The following SPHKAP variants were observed in gnomAD, a reference collection of about 807,000 sequenced individuals.
SPHKAP encodes SPHK1 interactor, AKAP domain containing.
In SPHKAP, 67 loss-of-function variants were observed where a neutral mutation model predicts 137.5. The observed-to-expected ratio is 0.49, with a 90% CI of 0.40 to 0.60. The LOEUF is 0.60. Ranked by LOEUF, SPHKAP falls within the 20% of genes least tolerant of loss-of-function variation. SPHKAP has a pLI of 0.00. For synonymous variants in SPHKAP, 813 were observed against 785.3 expected (o/e 1.04, Z -0.59); for missense variants, 2,097 against 2,069.3 (o/e 1.01, Z -0.26).
At chr2:228,028,077 C>T in intron 3 of SPHKAP, 1 of 985,108 alleles carries the variant, frequency 1.0e-6, no homozygotes, top group East Asian at 1.1e-4. Flanking sequence ...TGCCCGCTTC[C>T]TTTCATGGCC....
chr2:228,167,239 C>T (rs1700447730), intron 1 of SPHKAP, among the ~76,000 whole-genome samples: 1 of 152,112 alleles, frequency 6.6e-6, no homozygotes, highest in African/African-American at 2.4e-5. Flanking sequence ...TTATAACGAT[C>T]CATGTGATGA....
At chr2:228,096,623 G>C (rs1166560019) in intron 3 of SPHKAP, among the ~76,000 whole-genome samples, 1 of 128,604 alleles carries the variant, frequency 7.8e-6, no homozygotes, top group Non-Finnish European at 1.6e-5. Flanking sequence ...TGTTGTTCAG[G>C]GGTCAACTGT....
Position 228,025,445 on chromosome 2 carries a change from G to A in SPHKAP, c.390C>T (p.Val130=), listed in dbSNP as rs113031300. The A allele has an allele frequency of 6.8e-6, 11 of 1,613,886 alleles. No homozygotes were observed. Among genetic ancestry groups the A allele is most frequent in the African/African-American group, 1.3e-5 (1 of 75,030 alleles). ...GATTTCCAGAGGCTAACCCACTTAGGACAACAATTTCATTTTCTTTTGGTT... is the reference window on the plus strand; with the variant it reads ...GATTTCCAGAGGCTAACCCACTTAGAACAACAATTTCATTTTCTTTTGGTT... ...VQQPKENEIV[V]LSGLASGNLQ... is the part of the protein sequence containing the mutation. Residue 130 remains valine, a synonymous_variant, in exon 5 of 12, where the codon GTC becomes GTT. Coordinates refer to ENST00000392056, the MANE Select transcript of SPHKAP (RefSeq NM_001142644.2).
intron 3 of SPHKAP, among the ~76,000 whole-genome samples, chr2:228,077,864 TG>T (rs1451033349): frequency 6.6e-6 from 1 of 152,154 alleles, no homozygotes; most frequent in African/African-American, 2.4e-5. Context: ...CATCTTGAAT[TG>T]TAACTCCTAC....
In SPHKAP at chr2:228,100,496, T is replaced by G. The variant is rs144481679; in HGVS notation, c.246+8336A>C. ...CTGTGGGTTTGTCAGAGATGGCTCTTATTATTTTGAGGTATGTTACTTTGA... is the reference window on the plus strand; with the variant it reads ...CTGTGGGTTTGTCAGAGATGGCTCTGATTATTTTGAGGTATGTTACTTTGA... On this transcript the variant is annotated intron_variant, in intron 3 of 11. Coordinates refer to ENST00000392056, the MANE Select transcript of SPHKAP (RefSeq NM_001142644.2). Among the ~76,000 whole-genome samples, 17 of 152,302 alleles carry G rather than the reference T, an allele frequency of 1.1e-4. No individual in the cohort carries two copies. The East Asian group carries it at 3.3e-3, about 30-fold the overall frequency.
At chr2:228,091,133 A>G (rs919650942) in intron 3 of SPHKAP, among the ~76,000 whole-genome samples, 1 of 152,220 alleles carries the variant, frequency 6.6e-6, no homozygotes, top group African/African-American at 2.4e-5. Context: ...TTTGAAGGAT[A>G]TAAATAGGTT....
chr2:228,028,163 T>A, intron 3 of SPHKAP: 1 of 578,518 alleles, frequency 1.7e-6, no homozygotes, highest in Non-Finnish European at 2.2e-6. Context: ...TATAAGGTGT[T>A]ATCAGATCTC....
chr2:228,058,844 AG>A (rs1375650249), intron 3 of SPHKAP, among the ~76,000 whole-genome samples: 1 of 152,318 alleles, frequency 6.6e-6, no homozygotes, highest in Non-Finnish European at 1.5e-5. Flanking sequence ...TTGGGCAAAC[AG>A]TTCTATGAGG....
At chr2:228,015,822 AAGGAGAGACTCTATGGAGAAG>A (rs1694561743) in intron 7 of SPHKAP, among the ~76,000 whole-genome samples, 1 of 151,998 alleles carries the variant, frequency 6.6e-6, no homozygotes, top group Admixed American at 6.6e-5. Flanking sequence ...CAAAACTTGA[AAGGAGAGACTCTATGGAGAAG>A]AAAAATGAGA....
At position 228,017,570 on chromosome 2, in the gene SPHKAP, G is replaced by A. The variant is rs545073202; in HGVS notation, c.3284C>T (p.Ala1095Val). 2 of 1,613,744 alleles carry A rather than the reference G, an allele frequency of 1.2e-6. No individual in the cohort carries two copies. Among genetic ancestry groups the A allele is most frequent in the East Asian group, 2.2e-5 (1 of 44,866 alleles). The change falls in exon 7 of 12, where the codon GCC becomes GTC. Residue 1095 changes from alanine to valine, a missense_variant. Coordinates refer to ENST00000392056, the MANE Select transcript of SPHKAP (RefSeq NM_001142644.2). Reference sequence around the variant, plus strand: ...CATTAAGCCCAGGCTGTTGACATAGGCCCTGGCCTCGGAGTCTTCCTCAGG... The same window carrying A: ...CATTAAGCCCAGGCTGTTGACATAGACCCTGGCCTCGGAGTCTTCCTCAGG... The part of the protein sequence containing the change: ...SIPEEDSEAR[A>V]YVNSLGLMST...
intron 7 of SPHKAP, among the ~76,000 whole-genome samples, chr2:227,997,183 G>A (rs146884311): frequency 3.9e-5 from 6 of 152,256 alleles, no homozygotes; most frequent in African/African-American, 1.4e-4. Flanking sequence ...TATCCGTTGT[G>A]GGCTCCCCCT....
intron 3 of SPHKAP, among the ~76,000 whole-genome samples, chr2:228,032,945 G>A (rs200922677): frequency 2.6e-5 from 4 of 152,082 alleles, no homozygotes; most frequent in Admixed American, 1.3e-4. Flanking sequence ...AAAGACCATC[G>A]AGGCTAGGAA....
chr2:228,076,181 T>C (rs944145818), intron 3 of SPHKAP, among the ~76,000 whole-genome samples: 6 of 152,180 alleles, frequency 3.9e-5, no homozygotes, highest in Non-Finnish European at 8.8e-5. Context: ...CCCCCACCAC[T>C]GGAACTGTAA....
chr2:228,052,423 G>A (rs574957229), intron 3 of SPHKAP, among the ~76,000 whole-genome samples: 4 of 152,200 alleles, frequency 2.6e-5, no homozygotes, highest in African/African-American at 7.2e-5. Flanking sequence ...GATAAAGAGA[G>A]GATTATCATG....
intron 7 of SPHKAP, among the ~76,000 whole-genome samples, chr2:228,001,952 C>A (rs1228994465): frequency 6.6e-6 from 1 of 152,186 alleles, no homozygotes; most frequent in Non-Finnish European, 1.5e-5. Context: ...GCCACATTTT[C>A]TTAATCCAGT....
At chr2:228,044,084 C>T (rs962985136) in intron 3 of SPHKAP, among the ~76,000 whole-genome samples, 1 of 152,168 alleles carries the variant, frequency 6.6e-6, no homozygotes, top group African/African-American at 2.4e-5. Flanking sequence ...ACATTCATCT[C>T]TCATATGTTT....
At chr2:228,000,337 G>A (rs567804837) in intron 7 of SPHKAP, among the ~76,000 whole-genome samples, 8 of 152,166 alleles carry the variant, frequency 5.3e-5, no homozygotes, top group Admixed American at 4.6e-4. Flanking sequence ...AAAATTAGTC[G>A]GCCGGGCACG....
Position 228,092,525 on chromosome 2 carries a change from ATG to A in SPHKAP, c.246+16305_246+16306del, listed in dbSNP as rs1559169511. On this transcript the variant is annotated intron_variant, in intron 3 of 11. Coordinates refer to ENST00000392056, the MANE Select transcript of SPHKAP (RefSeq NM_001142644.2). ...ATGTATACATATATGTGCCATATAT[ATG>A]TATACATATATGTGCCATATATATG... Among the ~76,000 whole-genome samples the A allele has an allele frequency of 2.0e-5, 2 of 101,226 alleles. 1 individual carries two copies. The highest frequency in any genetic ancestry group is 4.0e-5 in the Non-Finnish European group (2 of 49,570). The allele number at this position is 101,226 out of a possible 152,430, so 66.4% of individuals were successfully genotyped here.
intron 1 of SPHKAP, among the ~76,000 whole-genome samples, chr2:228,168,680 C>T (rs1354972729): frequency 6.6e-6 from 1 of 152,068 alleles, no homozygotes; most frequent in Non-Finnish European, 1.5e-5. Context: ...ATATTGATGT[C>T]AGACCAGTTA....
Sources: gnomAD v4.1 joint callset for allele counts (sites outside exome capture counted in the v4.1 genomes callset) on GRCh38, gnomAD v4.1.1 for gene constraint, MANE v1.5 for transcripts, NCBI Gene and HGNC (gene_info 2026-07-23, HGNC 2026-07-21) for gene names.